MRPL36: variants seen among roughly 807,000 people sequenced by gnomAD.
MRPL36 encodes the protein mitochondrial ribosomal protein L36.
A neutral mutation model predicts 2.8 loss-of-function variants in MRPL36; 1 was observed. The observed-to-expected ratio is 0.36, with a 90% CI of 0.13 to 1.69. The LOEUF (loss-of-function observed/expected upper bound fraction) is 1.69. Among genes scored for constraint, MRPL36 ranks in the 40% most tolerant of loss-of-function variants. MRPL36 has a pLI of 0.35. For synonymous variants in MRPL36, 68 were observed against 54.8 expected (o/e 1.24, Z -1.06); for missense variants, 148 against 132.7 (o/e 1.12, Z -0.57).
At chr5:1,800,307 C>T (rs1234756298), upstream of MRPL36, among the ~76,000 whole-genome samples, 1 of 146,196 alleles carries the variant, frequency 6.8e-6, no homozygotes, top group Non-Finnish European at 1.5e-5. Flanking sequence ...CATATACTTG[C>T]CACCTAGATT....
upstream of MRPL36, chr5:1,801,423 G>A (rs769602311): frequency 3.1e-6 from 5 of 1,605,156 alleles, no homozygotes; most frequent in South Asian, 4.4e-5. Flanking sequence ...GCAAAATGGC[G>A]GCGGCGATGA....
chr5:1,801,429 G>C (rs759216530), upstream of MRPL36: 2 of 1,605,132 alleles, frequency 1.2e-6, no homozygotes, highest in South Asian at 1.1e-5. Context: ...TGGCGGCGGC[G>C]ATGACCTTCT....
upstream of MRPL36, chr5:1,801,341 T>G: frequency 2.6e-6 from 4 of 1,549,808 alleles, no homozygotes; most frequent in Non-Finnish European, 3.5e-6. Context: ...TACCGGGTGT[T>G]TGGCGCCGCC....
At position 1,798,851 on chromosome 5, in the gene MRPL36, A is replaced by G. The variant is rs1354581971; in HGVS notation, c.85T>C (p.Phe29Leu). ...HTVKPRALSTFLFGSIRGAAP... is the reference protein window; with the variant it reads ...HTVKPRALSTLLFGSIRGAAP... ...GCACCTCGAATGGATCCAAATAGAA[A>G]TGTGGAGAGGGCTCGAGGCTTCACC... is the stretch of plus-strand genomic sequence containing the variant. Residue 29 changes from phenylalanine to leucine, a missense_variant, in exon 2 of 2, where the codon TTT becomes CTT. Physicochemically the swap from Phe to Leu is conservative, Grantham distance 22. Transcript: ENST00000505059. 6.2e-7 allele frequency: 1 copy of G among 1,613,806 alleles called. No homozygotes were observed. Among genetic ancestry groups the G allele is most frequent in the South Asian group, 1.1e-5 (1 of 91,074 alleles).
intron 1 of MRPL36, chr5:1,799,221 G>A (rs1240674610): frequency 1.2e-5 from 4 of 320,094 alleles, no homozygotes; most frequent in African/African-American, 6.3e-5. Flanking sequence ...ATGTTGAGGA[G>A]CCGCTCACTT....
Position 1,798,543 on chromosome 5 carries a change from T to G in MRPL36, c.*81A>C, listed in dbSNP as rs1183684633. ...GTCACTTTCCCCTGACTCCTTGATG[T>G]GATAATTCCTTCCATAAGATACAAC... On this transcript the variant is annotated 3_prime_UTR_variant, in exon 2 of 2. Transcript: ENST00000505059. 1.4e-6 allele frequency: 2 copies of G among 1,414,730 alleles called. No homozygotes were observed. Among genetic ancestry groups the G allele is most frequent in the African/African-American group, 2.8e-5 (2 of 70,400 alleles). The allele number at this position is 1,414,730 out of a possible 1,614,324, so 87.6% of individuals were successfully genotyped here. A position where few individuals can be genotyped will look rare whatever the true frequency, so the allele number is the denominator to read the frequency against.
At chr5:1,798,986 G>T in intron 1 of MRPL36, 39 bp from the exon 2 acceptor site, 2 of 1,459,550 alleles carry the variant, frequency 1.4e-6, no homozygotes, top group Non-Finnish European at 1.9e-6. Flanking sequence ...AGCTTCTCCT[G>T]CACTTCCACC....
upstream of MRPL36, chr5:1,801,408 G>A: frequency 6.2e-7 from 1 of 1,605,396 alleles, no homozygotes; most frequent in Non-Finnish European, 8.5e-7. Flanking sequence ...TCAAAGGCCA[G>A]CGGCGCAAAA....
At chr5:1,799,224 G>A (rs1363286720) in intron 1 of MRPL36, 2 of 307,826 alleles carry the variant, frequency 6.5e-6, no homozygotes, top group South Asian at 6.8e-5. Context: ...TTGAGGAGCC[G>A]CTCACTTGGC....
chr5:1,800,420 C>T (rs1421338320), upstream of MRPL36, among the ~76,000 whole-genome samples: 1 of 152,174 alleles, frequency 6.6e-6, no homozygotes, highest in Non-Finnish European at 1.5e-5. Context: ...GTGGCTGCGT[C>T]CACTCCGCGC....
At chr5:1,801,427 G>A (rs1734035481), upstream of MRPL36, 1 of 1,605,356 alleles carries the variant, frequency 6.2e-7, no homozygotes, top group Non-Finnish European at 8.5e-7. Context: ...AATGGCGGCG[G>A]CGATGACCTT....
In MRPL36 at chr5:1,798,441, T is replaced by C; in HGVS notation, c.*183A>G. The C allele has an allele frequency of 1.7e-6, 1 of 581,218 alleles. No homozygotes were observed. The highest frequency in any genetic ancestry group is 2.6e-5 in the South Asian group (1 of 38,752). 36.0% of individuals were successfully genotyped at this position (581,218 alleles called of 1,614,324 possible). A position where few individuals can be genotyped will look rare whatever the true frequency, so the allele number is the denominator to read the frequency against. ...TTTTTTAGTTGGAACGTTTTGGAAA[T>C]AAGATAACGCAATGTCTTCTATAGT... On this transcript the variant is annotated 3_prime_UTR_variant, in exon 2 of 2. Transcript: ENST00000505059.
At chr5:1,801,312 G>C (rs13176353), upstream of MRPL36, 1,248,908 of 1,478,238 alleles carry the variant, frequency 0.84, 539,025 homozygotes, top group Non-Finnish European at 0.89. Context: ...CGCGCTCCCC[G>C]CCCCCAGGGC....
rs893553572 is a variant in MRPL36 at position 1,798,644 on chromosome 5, G to C, written c.292C>G (p.His98Asp). 6.8e-6 allele frequency: 11 copies of C among 1,610,280 alleles called. No individual in the cohort carries two copies. The highest frequency in any genetic ancestry group is 8.5e-6 in the Non-Finnish European group (10 of 1,176,854). ...AGGGTCTACATCTGTCTCTGCTTGTGCCTCGGATGGGTTTTACAGTAGACG... is the reference window on the plus strand; with the variant it reads ...AGGGTCTACATCTGTCTCTGCTTGTCCCTCGGATGGGTTTTACAGTAGACG... The part of the protein sequence containing the change: ...WYVYCKTHPR[H>D]KQRQM The change falls in exon 2 of 2, where the codon CAC (histidine) becomes GAC (aspartate). Residue 98 changes from histidine (H) to aspartate (D), a missense_variant. Transcript: ENST00000505059.
chr5:1,799,172 C>T (rs1032516008), intron 1 of MRPL36: 1 of 469,186 alleles, frequency 2.1e-6, no homozygotes, highest in African/African-American at 1.9e-5. Context: ...TTCCCTTTCC[C>T]GCCTGCTGCA....
upstream of MRPL36, chr5:1,801,349 G>T (rs1734032857): frequency 6.4e-7 from 1 of 1,563,734 alleles, no homozygotes; most frequent in African/African-American, 1.4e-5. Context: ...GTTTGGCGCC[G>T]CCAGAAGCCG....
At chr5:1,801,296 C>T (rs887429698), upstream of MRPL36, 16 of 1,410,342 alleles carry the variant, frequency 1.1e-5, no homozygotes, top group African/African-American at 1.3e-4. Flanking sequence ...ACCCTCTGCC[C>T]CGACCCGCGC....
upstream of MRPL36, chr5:1,801,324 A>T (rs867415389): frequency 1.3e-6 from 2 of 1,510,176 alleles, no homozygotes. Flanking sequence ...CCCCAGGGCG[A>T]AATAAATACC....
In MRPL36 at chr5:1,798,431, G is replaced by A. The variant is rs1310911673; in HGVS notation, c.*193C>T. ...TAGGAAAATGTTTTTTAGTTGGAACGTTTTGGAAATAAGATAACGCAATGT... is the reference window on the plus strand; with the variant it reads ...TAGGAAAATGTTTTTTAGTTGGAACATTTTGGAAATAAGATAACGCAATGT... On this transcript the variant is annotated 3_prime_UTR_variant, in exon 2 of 2. Transcript: ENST00000505059. The A allele has an allele frequency of 2.7e-5, 15 of 559,108 alleles. No individual in the cohort carries two copies. The highest frequency in any genetic ancestry group is 4.4e-5 in the Non-Finnish European group (14 of 319,838). The allele number at this position is 559,108 out of a possible 1,614,324, so 34.6% of individuals were successfully genotyped here. A position where few individuals can be genotyped will look rare whatever the true frequency, so the allele number is the denominator to read the frequency against.
Sources: gnomAD v4.1 joint callset for allele counts (sites outside exome capture counted in the v4.1 genomes callset) on GRCh38, gnomAD v4.1.1 for gene constraint, MANE v1.5 for transcripts, NCBI Gene and HGNC (gene_info 2026-07-23, HGNC 2026-07-21) for gene names.